B3GLCT: variants seen among roughly 807,000 people sequenced by gnomAD.
B3GLCT encodes the protein beta-1,3-glucosyltransferase.
A neutral mutation model predicts 63.4 loss-of-function variants in B3GLCT; 65 were observed. That is an observed-to-expected ratio of 1.03 (90% CI 0.84 to 1.26). The LOEUF is 1.26. Ranked by LOEUF, B3GLCT falls within the 50% of genes most tolerant of loss-of-function variation. The pLI is 0.00. For synonymous variants in B3GLCT, 233 were observed against 219.2 expected (o/e 1.06, Z -0.55); for missense variants, 577 against 604.8 (o/e 0.95, Z 0.48).
intron 6 of B3GLCT, among the ~76,000 whole-genome samples, chr13:31,253,160 C>G (rs945063885): frequency 6.6e-6 from 1 of 152,104 alleles, no homozygotes; most frequent in Non-Finnish European, 1.5e-5. Flanking sequence ...TCCTTTGAAA[C>G]CAATGAGAAC....
chr13:31,211,948 CA>C (rs1460880663), intron 1 of B3GLCT, among the ~76,000 whole-genome samples: 1 of 151,950 alleles, frequency 6.6e-6, no homozygotes, highest in African/African-American at 2.4e-5. Context: ...TCTGGCCTCG[CA>C]AAAAAGTGAG....
At chr13:31,248,068 GT>G in intron 6 of B3GLCT, 102 bp downstream of exon 6, 1 of 690,142 alleles carries the variant, frequency 1.4e-6, no homozygotes. Flanking sequence ...AAACCACTTA[GT>G]TTAAAATTAA....
chr13:31,201,285 A>T (rs1394608229), intron 1 of B3GLCT, among the ~76,000 whole-genome samples: 2 of 152,238 alleles, frequency 1.3e-5, no homozygotes, highest in African/African-American at 2.4e-5. Context: ...CTCTCTGAAT[A>T]AGGATTAATT....
chr13:31,289,183 A>T (rs1849166), intron 12 of B3GLCT, among the ~76,000 whole-genome samples: 100,786 of 151,580 alleles, frequency 0.66, 34,142 homozygotes, highest in East Asian at 0.78. Flanking sequence ...TTTTGAAATA[A>T]TTCAGCCACA....
At chr13:31,204,271 C>T (rs1400295280) in intron 1 of B3GLCT, among the ~76,000 whole-genome samples, 1 of 152,130 alleles carries the variant, frequency 6.6e-6, no homozygotes, top group Non-Finnish European at 1.5e-5. Flanking sequence ...ATCCCAGGGG[C>T]TGGTTTGGCA....
intron 3 of B3GLCT, 79 bp from the exon 4 acceptor site, chr13:31,229,106 T>G: frequency 1.1e-6 from 1 of 917,886 alleles, no homozygotes; most frequent in Non-Finnish European, 1.7e-6. Context: ...GCTTTGTAGC[T>G]ATTTTTTCAC....
At chr13:31,323,921 C>T (rs1415985933) in intron 14 of B3GLCT, 26 bp downstream of exon 14, 1 of 1,613,462 alleles carries the variant, frequency 6.2e-7, no homozygotes, top group South Asian at 1.1e-5. Context: ...TTATTCTTCC[C>T]TCATGGCAGG....
chr13:31,289,219 A>T (rs983825130), intron 12 of B3GLCT, among the ~76,000 whole-genome samples: 19 of 152,252 alleles, frequency 1.2e-4, no homozygotes, highest in African/African-American at 4.1e-4. Flanking sequence ...AATGAAAAAG[A>T]ATGAAAACAG....
At chr13:31,213,500 G>A (rs1390081672) in intron 1 of B3GLCT, among the ~76,000 whole-genome samples, 2 of 151,986 alleles carry the variant, frequency 1.3e-5, no homozygotes, top group African/African-American at 4.8e-5. Flanking sequence ...TGAGGTGGGA[G>A]GATCATGAGC....
chr13:31,229,170 T>C lies in B3GLCT; in HGVS notation c.161-15T>C. On this transcript the variant is annotated splice_polypyrimidine_tract_variant and intron_variant, in intron 3 of 14. Transcript: ENST00000343307. ...GTAAAAAGAAATACCTGAAAACTAT[T>C]TTTTTTTGTTCTAGACTTAAAAGGA... 1 of 1,498,176 alleles carries C rather than the reference T, an allele frequency of 6.7e-7. No individual in the cohort carries two copies. The highest frequency in any genetic ancestry group is 9.3e-7 in the Non-Finnish European group (1 of 1,077,692). 92.8% of individuals were successfully genotyped at this position (1,498,176 alleles called of 1,614,324 possible).
At chr13:31,255,722 G>T (rs2137821377) in intron 6 of B3GLCT, among the ~76,000 whole-genome samples, 1 of 152,216 alleles carries the variant, frequency 6.6e-6, no homozygotes, top group African/African-American at 2.4e-5. Flanking sequence ...TTAATAAATG[G>T]TGTTTTGAAA....
Position 31,266,219 on chromosome 13 carries a change from C to A in B3GLCT, c.597-2995C>A, listed in dbSNP as rs186298868. On this transcript the variant is annotated intron_variant, in intron 7 of 14. Transcript: ENST00000343307. ...TTCACCGTGTTAGCCAGGATGGCCT[C>A]GATCTCCTGACCTCATGTTTTGCCC... 4.1e-4 allele frequency among the ~76,000 whole-genome samples: 63 copies of A among 152,170 alleles called. 1 individual carries two copies. Among genetic ancestry groups the A allele is most frequent in the Admixed American group, 3.6e-3 (55 of 15,292 alleles).
At chr13:31,254,923 G>C (rs1871647543) in intron 6 of B3GLCT, among the ~76,000 whole-genome samples, 1 of 151,810 alleles carries the variant, frequency 6.6e-6, no homozygotes, top group South Asian at 2.1e-4. Flanking sequence ...CATAATCCCA[G>C]CTACTCGGGA....
rs1354258937 is a variant in B3GLCT at position 31,229,183 on chromosome 13, A to G, written c.161-2A>G. 4 of 1,563,292 alleles carry G rather than the reference A, an allele frequency of 2.6e-6. No individual in the cohort carries two copies. Among genetic ancestry groups the G allele is most frequent in the Non-Finnish European group, 3.5e-6 (4 of 1,135,100 alleles). ...CCTGAAAACTATTTTTTTTTGTTCTAGACTTAAAAGGAATTGTATTCGTCA... is the reference window on the plus strand; with the variant it reads ...CCTGAAAACTATTTTTTTTTGTTCTGGACTTAAAAGGAATTGTATTCGTCA... On this transcript the variant is annotated splice_acceptor_variant, in intron 3 of 14. Transcript: ENST00000343307. LOFTEE classifies it high-confidence loss of function.
At chr13:31,240,824 T>C (rs1322830673) in intron 4 of B3GLCT, among the ~76,000 whole-genome samples, 5 of 152,242 alleles carry the variant, frequency 3.3e-5, no homozygotes, top group African/African-American at 9.6e-5. Context: ...TTCGAGACTT[T>C]ATTGCATTGC....
chr13:31,250,454 A>T (rs554179617), intron 6 of B3GLCT, among the ~76,000 whole-genome samples: 1 of 152,340 alleles, frequency 6.6e-6, no homozygotes, highest in East Asian at 1.9e-4. Flanking sequence ...GATTACAGGC[A>T]TGGAGCCACC....
chr13:31,226,566 T>G (rs1870113113), intron 3 of B3GLCT, among the ~76,000 whole-genome samples: 1 of 152,126 alleles, frequency 6.6e-6, no homozygotes, highest in African/African-American at 2.4e-5. Context: ...TTGGTTACTG[T>G]GATGAGCGGT....
intron 4 of B3GLCT, among the ~76,000 whole-genome samples, chr13:31,232,424 G>C (rs1593260874): frequency 3.9e-5 from 1 of 25,844 alleles, no homozygotes; most frequent in South Asian, 1.1e-3. Flanking sequence ...GAGGGTTAGA[G>C]AGAGAGGGGA....
chr13:31,243,518 A>G (rs1443287189), intron 4 of B3GLCT, among the ~76,000 whole-genome samples: 1 of 152,214 alleles, frequency 6.6e-6, no homozygotes, highest in African/African-American at 2.4e-5. Flanking sequence ...ATATTTCTAC[A>G]TATAAATTTT....
Sources: gnomAD v4.1 joint callset for allele counts (sites outside exome capture counted in the v4.1 genomes callset) on GRCh38, gnomAD v4.1.1 for gene constraint, MANE v1.5 for transcripts, NCBI Gene and HGNC (gene_info 2026-07-23, HGNC 2026-07-21) for gene names.